Variants in SLC25A21 observed in about 807,000 individuals in gnomAD.
SLC25A21 encodes the protein solute carrier family 25 member 21, also known as mitochondrial 2-oxodicarboxylate carrier.
Under a neutral mutation model 43.8 loss-of-function variants are expected in SLC25A21, and 47 were observed. The ratio of observed to expected loss-of-function variants is 1.07; its 90% CI spans 0.85 to 1.37. The LOEUF (loss-of-function observed/expected upper bound fraction) is 1.37. Ranked by LOEUF, SLC25A21 falls within the 40% of genes most tolerant of loss-of-function variation. The pLI is 0.00. For synonymous variants in SLC25A21, 131 were observed against 121.3 expected (o/e 1.08, Z -0.52); for missense variants, 352 against 350.2 (o/e 1.00, Z -0.04).
At chr14:37,018,986 T>TAA (rs1199139151) in intron 1 of SLC25A21, among the ~76,000 whole-genome samples, 2 of 152,052 alleles carry the variant, frequency 1.3e-5, no homozygotes, top group Non-Finnish European at 2.9e-5. Context: ...GTTTGAACGT[T>TAA]ATGTCTTGCT....
intron 1 of SLC25A21, among the ~76,000 whole-genome samples, chr14:36,919,827 C>A (rs1034730877): frequency 4.6e-5 from 7 of 151,960 alleles, no homozygotes; most frequent in South Asian, 4.1e-4. Flanking sequence ...CCACAGACCA[C>A]ATTATTATAT....
At chr14:36,824,633 G>A (rs111318614) in intron 2 of SLC25A21, among the ~76,000 whole-genome samples, 6 of 152,002 alleles carry the variant, frequency 3.9e-5, no homozygotes, top group Admixed American at 6.6e-5. Context: ...AAAGGGCACC[G>A]GGCTAGAGGA....
chr14:37,121,479 T>A (rs1220397934), intron 1 of SLC25A21, among the ~76,000 whole-genome samples: 1 of 152,142 alleles, frequency 6.6e-6, no homozygotes, highest in Non-Finnish European at 1.5e-5. Context: ...TGTTTTTGTT[T>A]TTTATTTTGT....
chr14:36,751,588 C>T (rs907734380), intron 3 of SLC25A21, among the ~76,000 whole-genome samples: 2 of 152,178 alleles, frequency 1.3e-5, no homozygotes, highest in African/African-American at 2.4e-5. Context: ...TCTTTTTCCC[C>T]AAGGACTTCC....
intron 1 of SLC25A21, among the ~76,000 whole-genome samples, chr14:36,985,337 A>C (rs1378318913): frequency 3.3e-5 from 5 of 152,162 alleles, no homozygotes; most frequent in African/African-American, 1.2e-4. Flanking sequence ...CAATGTGCAC[A>C]TGTACCCTAA....
chr14:36,931,319 TTCAC>T lies in SLC25A21; in HGVS notation c.71-56319_71-56316del, dbSNP rs981913422. 5.8e-4 allele frequency among the ~76,000 whole-genome samples: 89 copies of T among 152,294 alleles called. 1 individual carries two copies. Among genetic ancestry groups the T allele is most frequent in the African/African-American group, 2.0e-3 (83 of 41,568 alleles). ...GTGAATGGGAGGCTTCTCAGAGGCA[TTCAC>T]TCTAACCTGAGCCTTGGCAAGGATG... is the stretch of plus-strand genomic sequence containing the variant. On this transcript the variant is annotated intron_variant, in intron 1 of 9. Transcript: ENST00000331299.
chr14:36,956,314 T>C (rs1959340510), intron 1 of SLC25A21, among the ~76,000 whole-genome samples: 1 of 152,220 alleles, frequency 6.6e-6, no homozygotes, highest in Admixed American at 6.5e-5. Flanking sequence ...TTTATTTATG[T>C]GAAGCTGGTT....
intron 1 of SLC25A21, among the ~76,000 whole-genome samples, chr14:36,940,004 CAG>C (rs1230640092): frequency 6.6e-6 from 1 of 152,138 alleles, no homozygotes; most frequent in Non-Finnish European, 1.5e-5. Flanking sequence ...TGTACCAGAG[CAG>C]AGTTTAAAAA....
chr14:36,874,625 T>C (rs1890467067), intron 2 of SLC25A21, among the ~76,000 whole-genome samples: 1 of 152,224 alleles, frequency 6.6e-6, no homozygotes, highest in East Asian at 1.9e-4. Flanking sequence ...CAATGCCAAA[T>C]GAAAATGTGC....
intron 1 of SLC25A21, among the ~76,000 whole-genome samples, chr14:36,893,695 T>C (rs1891153133): frequency 6.6e-6 from 1 of 152,202 alleles, no homozygotes; most frequent in Non-Finnish European, 1.5e-5. Flanking sequence ...TTTAAGTCTT[T>C]AATCCATCTT....
At chr14:36,754,898 T>C (rs1885866913) in intron 3 of SLC25A21, among the ~76,000 whole-genome samples, 1 of 152,186 alleles carries the variant, frequency 6.6e-6, no homozygotes, top group East Asian at 1.9e-4. Context: ...GGAAGAATAA[T>C]TGTTTTCAGG....
At chr14:36,829,004 C>T (rs577225949) in intron 2 of SLC25A21, among the ~76,000 whole-genome samples, 1 of 152,216 alleles carries the variant, frequency 6.6e-6, no homozygotes, top group African/African-American at 2.4e-5. Context: ...TGGGCTCAAA[C>T]GATTCTCATG....
At chr14:36,714,353 A>C (rs551841334) in intron 6 of SLC25A21, among the ~76,000 whole-genome samples, 15 of 152,228 alleles carry the variant, frequency 9.9e-5, no homozygotes, top group Non-Finnish European at 2.1e-4. Context: ...TGCAGAATGC[A>C]AGATAACAGG....
intron 1 of SLC25A21, among the ~76,000 whole-genome samples, chr14:37,164,351 GTTA>G (rs1380932564): frequency 1.3e-5 from 2 of 152,074 alleles, no homozygotes; most frequent in Non-Finnish European, 2.9e-5. Context: ...TGAAATAAGG[GTTA>G]TTTTTTTCTC....
intron 1 of SLC25A21, among the ~76,000 whole-genome samples, chr14:36,978,243 T>C (rs1959927340): frequency 6.6e-6 from 1 of 152,162 alleles, no homozygotes; most frequent in Non-Finnish European, 1.5e-5. Flanking sequence ...GGAGATACTA[T>C]GGGTTTGGTT....
At chr14:36,709,998 C>T (rs1323748607) in intron 7 of SLC25A21, among the ~76,000 whole-genome samples, 8 of 152,110 alleles carry the variant, frequency 5.3e-5, no homozygotes, top group Non-Finnish European at 1.0e-4. Context: ...AAAAGCACAT[C>T]CTGTGCTACT....
rs535894059 is a variant in SLC25A21 at position 36,717,580 on chromosome 14, A to G, written c.439-6098T>C. 1.4e-3 allele frequency among the ~76,000 whole-genome samples: 217 copies of G among 152,328 alleles called. 1 individual carries two copies. The highest frequency in any genetic ancestry group is 3.9e-3 in the South Asian group (19 of 4,828). ...CATGCTGTGCCTTGCCCTTGCACCA[A>G]TGGCAGAGCTGGGAGGAAGAAAGGT... On this transcript the variant is annotated intron_variant, in intron 6 of 9. Transcript: ENST00000331299.
intron 1 of SLC25A21, among the ~76,000 whole-genome samples, chr14:36,985,868 C>T (rs1480783266): frequency 1.3e-5 from 2 of 152,118 alleles, no homozygotes; most frequent in Non-Finnish European, 1.5e-5. Flanking sequence ...TAATTAATAT[C>T]ATTATTTATT....
At chr14:36,901,414 T>A (rs1398792482) in intron 1 of SLC25A21, among the ~76,000 whole-genome samples, 1 of 152,158 alleles carries the variant, frequency 6.6e-6, no homozygotes, top group Non-Finnish European at 1.5e-5. Flanking sequence ...TTTGAGTTAA[T>A]CTGAACTATG....
Sources: gnomAD v4.1 joint callset for allele counts (sites outside exome capture counted in the v4.1 genomes callset) on GRCh38, gnomAD v4.1.1 for gene constraint, MANE v1.5 for transcripts, NCBI Gene and HGNC (gene_info 2026-07-23, HGNC 2026-07-21) for gene names.